HFM1: variants seen among roughly 807,000 people sequenced by gnomAD.
HFM1 encodes probable ATP-dependent DNA helicase HFM1.
In HFM1, 169 loss-of-function variants were observed where a neutral mutation model predicts 192.1. The ratio of observed to expected loss-of-function variants is 0.88; its 90% CI spans 0.78 to 1.00. The LOEUF is 1.00. HFM1 is among the 50% of genes least tolerant of loss of function. HFM1 has a pLI of 0.00. For missense variants in HFM1, 1,661 were observed against 1,668.0 expected (o/e 1.00, Z 0.07); for synonymous variants, 525 against 537.8 (o/e 0.98, Z 0.33).
chr1:91,285,264 T>A (rs897917324), intron 30 of HFM1, among the ~76,000 whole-genome samples: 1 of 152,332 alleles, frequency 6.6e-6, no homozygotes, highest in South Asian at 2.1e-4. Flanking sequence ...AAAGAATTTT[T>A]CATTATTTTA....
intron 2 of HFM1, among the ~76,000 whole-genome samples, chr1:91,398,577 T>C (rs917238977): frequency 3.3e-5 from 5 of 152,216 alleles, no homozygotes; most frequent in African/African-American, 1.2e-4. Flanking sequence ...CCAAACTTCC[T>C]AGTGGCCTTA....
intron 20 of HFM1, among the ~76,000 whole-genome samples, chr1:91,340,569 T>C (rs1307716870): frequency 6.6e-6 from 1 of 150,954 alleles, no homozygotes; most frequent in Non-Finnish European, 1.5e-5. Flanking sequence ...CAAGTCTACA[T>C]AACAACACAA....
rs754868597 is a variant in HFM1 at position 91,378,115 on chromosome 1, TAC to T, written c.1303_1304del (p.Val435ThrfsTer29). ...TTTTTAAAGTCTGAGAAACAGACTG[TAC>T]AGTTTTCATTCTGCTAACTACAACT... is the stretch of plus-strand genomic sequence containing the variant. ...LEVVVSRMKT[V>X]QSVSQTLKNT... On this transcript the variant is annotated frameshift_variant, in exon 11 of 39. Transcript: ENST00000370425. LOFTEE classifies it high-confidence loss of function. 1 of 1,611,390 alleles carries T rather than the reference TAC, an allele frequency of 6.2e-7. No homozygotes were observed. The highest frequency in any genetic ancestry group is 1.7e-5 in the Admixed American group (1 of 59,784).
chr1:91,334,491 T>C (rs1415551793), intron 20 of HFM1, among the ~76,000 whole-genome samples: 2 of 152,258 alleles, frequency 1.3e-5, no homozygotes, highest in African/African-American at 4.8e-5. Context: ...AAATAACAGG[T>C]GACCACTTAA....
chr1:91,363,995 T>C (rs537778460), intron 13 of HFM1, among the ~76,000 whole-genome samples: 1 of 152,148 alleles, frequency 6.6e-6, no homozygotes. Context: ...TGATAACACA[T>C]GGACATATGG....
chr1:91,262,610 T>C lies in HFM1; in HGVS notation c.3975-18A>G, dbSNP rs755325879. 8 of 1,420,194 alleles carry C rather than the reference T, an allele frequency of 5.6e-6. No individual in the cohort carries two copies. Among genetic ancestry groups the C allele is most frequent in the Admixed American group, 1.8e-5 (1 of 56,290 alleles). 88.0% of individuals were successfully genotyped at this position (1,420,194 alleles called of 1,614,324 possible). On this transcript the variant is annotated intron_variant, in intron 36 of 38. Coordinates refer to ENST00000370425, the MANE Select transcript of HFM1 (RefSeq NM_001017975.6). Reference sequence around the variant, plus strand: ...AAACAAAACTAAAAATTAAAATTAATTATTTGTAAAATACGGCAAACAAGA... The same window carrying C: ...AAACAAAACTAAAAATTAAAATTAACTATTTGTAAAATACGGCAAACAAGA...
At chr1:91,370,045 A>T (rs1395832967) in intron 13 of HFM1, among the ~76,000 whole-genome samples, 1 of 124,978 alleles carries the variant, frequency 8.0e-6, no homozygotes, top group Non-Finnish European at 1.7e-5. Flanking sequence ...ACCCAGGAGA[A>T]GTTGAATCTC....
chr1:91,288,758 G>A (rs1037545243), intron 30 of HFM1, among the ~76,000 whole-genome samples: 26 of 152,270 alleles, frequency 1.7e-4, no homozygotes, highest in African/African-American at 6.0e-4. Context: ...ATAAAATGGA[G>A]TCTCCTATGT....
chr1:91,279,915 GA>G (rs533531417), intron 30 of HFM1, among the ~76,000 whole-genome samples: 1 of 151,386 alleles, frequency 6.6e-6, no homozygotes, highest in African/African-American at 2.4e-5. Flanking sequence ...CACTAAAATA[GA>G]AAAAAAATGA....
At position 91,394,112 on chromosome 1, in the gene HFM1, T is replaced by G; in HGVS notation, c.475A>C (p.Thr159Pro). Residue 159 changes from threonine (T) to proline (P), a missense_variant, in exon 4 of 39, where the codon ACA becomes CCA. By Grantham distance (38) the Thr-to-Pro change is conservative (BLOSUM62 -1). Transcript: ENST00000370425. ...AATTACCTTTTCCGGAATACTGATG[T>G]GCTCTCTCCTTTATCTTCTGCAAAA... ...VNFAEDKGESTSVFRKRLFKI... is the reference protein window; with the variant it reads ...VNFAEDKGESPSVFRKRLFKI... 1 of 1,569,948 alleles carries G rather than the reference T, an allele frequency of 6.4e-7. No homozygotes were observed.
chr1:91,266,766 A>G (rs984912677), intron 35 of HFM1, among the ~76,000 whole-genome samples: 2 of 152,156 alleles, frequency 1.3e-5, no homozygotes, highest in African/African-American at 2.4e-5. Context: ...GCAGTACCCA[A>G]TGACACTTAA....
chr1:91,275,367 G>T (rs1666713641), intron 32 of HFM1, among the ~76,000 whole-genome samples: 1 of 152,080 alleles, frequency 6.6e-6, no homozygotes, highest in Non-Finnish European at 1.5e-5. Flanking sequence ...TATTCCTGTG[G>T]CTTCAATTGT....
At chr1:91,295,549 T>A (rs999527705) in intron 30 of HFM1, among the ~76,000 whole-genome samples, 1 of 152,208 alleles carries the variant, frequency 6.6e-6, no homozygotes, top group Admixed American at 6.5e-5. Flanking sequence ...AATTCAATTA[T>A]CTTTTACAGA....
chr1:91,329,322 T>G, intron 20 of HFM1: 1 of 1,606,704 alleles, frequency 6.2e-7, no homozygotes, highest in African/African-American at 1.3e-5. Flanking sequence ...TGAAAAGCAG[T>G]TCTCTGAGGA....
intron 28 of HFM1, among the ~76,000 whole-genome samples, chr1:91,314,300 C>A (rs1258981636): frequency 1.3e-5 from 2 of 152,192 alleles, no homozygotes; most frequent in East Asian, 3.8e-4. Flanking sequence ...GTTGCCTGGG[C>A]TGGAGTGCAG....
intron 30 of HFM1, among the ~76,000 whole-genome samples, chr1:91,297,996 A>C (rs1235832597): frequency 3.3e-5 from 5 of 152,202 alleles, no homozygotes; most frequent in Non-Finnish European, 7.3e-5. Context: ...CTCCAAGCTA[A>C]AGGAGGAAGT....
At chr1:91,328,365 C>A in intron 20 of HFM1, 1 of 1,557,506 alleles carries the variant, frequency 6.4e-7, no homozygotes, top group Non-Finnish European at 8.7e-7. Context: ...GCCAGTCATC[C>A]CTCCTCTGTG....
chr1:91,394,492 G>C, intron 3 of HFM1, 90 bp from the exon 4 acceptor site: 2 of 792,348 alleles, frequency 2.5e-6, no homozygotes, highest in Non-Finnish European at 3.9e-6. Flanking sequence ...AAAATTCCAA[G>C]TTAAGTATGA....
rs774472209 is a variant in HFM1, at chr1:91,261,200, T to C, written c.*90A>G. ...ATACAGGAGAAAAAAATCCGAACAA[T>C]TATGAACTACTTTTTAAAAATAAAA... On this transcript the variant is annotated 3_prime_UTR_variant, in exon 39 of 39. Coordinates refer to ENST00000370425, the MANE Select transcript of HFM1 (RefSeq NM_001017975.6). 9.4e-5 allele frequency: 51 copies of C among 541,690 alleles called. No individual in the cohort carries two copies. Among genetic ancestry groups the C allele is most frequent in the Non-Finnish European group, 1.5e-4 (49 of 337,904 alleles). The allele number at this position is 541,690 out of a possible 1,614,324, so 33.6% of individuals were successfully genotyped here.
Sources: gnomAD v4.1 joint callset for allele counts (sites outside exome capture counted in the v4.1 genomes callset) on GRCh38, gnomAD v4.1.1 for gene constraint, MANE v1.5 for transcripts, NCBI Gene and HGNC (gene_info 2026-07-23, HGNC 2026-07-21) for gene names.